The following INPP5D variants were observed in gnomAD, a reference collection of about 807,000 sequenced individuals.
INPP5D encodes phosphatidylinositol 3,4,5-trisphosphate 5-phosphatase 1.
INPP5D carries 33 observed loss-of-function variants against 122.9 expected under a neutral mutation model. The ratio of observed to expected loss-of-function variants is 0.27; its 90% confidence interval spans 0.20 to 0.36. INPP5D has a LOEUF of 0.36. Ranked by LOEUF, INPP5D falls within the 10% of genes least tolerant of loss-of-function variation. INPP5D has a pLI of 1.00. For synonymous variants in INPP5D, 584 were observed against 576.2 expected (o/e 1.01, Z -0.19); for missense variants, 1,053 against 1,412.7 (o/e 0.75, Z 4.08).
intron 5 of INPP5D, chr2:233,131,162 C>A: frequency 2.5e-5 from 24 of 973,262 alleles, no homozygotes; most frequent in Non-Finnish European, 2.9e-5. Flanking sequence ...GAATGACCAA[C>A]TGGTAAAGGT....
At chr2:233,202,205 G>T (rs189109556) in intron 25 of INPP5D, among the ~76,000 whole-genome samples, 1 of 152,248 alleles carries the variant, frequency 6.6e-6, no homozygotes. Flanking sequence ...CAGAGGTCAG[G>T]ACTTCTTGCT....
rs1009523835 is a variant in INPP5D at position 233,160,556 on chromosome 2, G to A, written c.1138-1168G>A. Among the ~76,000 whole-genome samples the A allele has an allele frequency of 6.6e-6, 1 of 152,204 alleles. No individual in the cohort carries two copies. The highest frequency in any genetic ancestry group is 1.5e-5 in the Non-Finnish European group (1 of 68,034). ...AAATAAAAACACTCGTATACCATGA[G>A]TTAATCTGGGACTATGCCCCTTCCA... On this transcript the variant is annotated intron_variant, in intron 10 of 26. Coordinates refer to ENST00000445964, the MANE Select transcript of INPP5D (RefSeq NM_001017915.3). This position sits in a 1 kb window ranked among gnomAD's most constrained non-coding sequence, Gnocchi z 4.2.
At chr2:233,174,021 T>G (rs1015587133) in intron 17 of INPP5D, among the ~76,000 whole-genome samples, 1 of 152,168 alleles carries the variant, frequency 6.6e-6, no homozygotes, top group African/African-American at 2.4e-5. Flanking sequence ...CACCTCCACA[T>G]CTCATCCCAT....
rs887882626 is a variant in INPP5D, at chr2:233,146,396, G to A, written c.864G>A (p.Glu288=). 3 of 704,184 alleles carry A rather than the reference G, an allele frequency of 4.3e-6. No homozygotes were observed. In the African/African-American group the frequency reaches 5.2e-5, roughly 12 times the overall value. The allele number at this position is 704,184 out of a possible 1,614,324, so 43.6% of individuals were successfully genotyped here. A position where few individuals can be genotyped will look rare whatever the true frequency, so the allele number is the denominator to read the frequency against. ...AGGCCTTGCTGCACGAGGGTCCTGA[G>A]TCTCCGCACCGGCCCTCCCTTATCC... is the stretch of plus-strand genomic sequence containing the variant. ...KVKALLHEGP[E]SPHRPSLIPP... Residue 288 remains glutamate (E), a synonymous_variant, in exon 8 of 27, where the codon GAG becomes GAA. Coordinates refer to ENST00000445964, the MANE Select transcript of INPP5D (RefSeq NM_001017915.3).
intron 2 of INPP5D, among the ~76,000 whole-genome samples, chr2:233,084,037 C>A (rs1176537250): frequency 1.3e-5 from 2 of 152,088 alleles, no homozygotes; most frequent in African/African-American, 4.8e-5. Context: ...TGGGAGCACC[C>A]CCAGGTGTTT....
chr2:233,139,286 C>T (rs929414538), intron 5 of INPP5D, among the ~76,000 whole-genome samples: 3 of 152,080 alleles, frequency 2.0e-5, no homozygotes, highest in African/African-American at 7.2e-5. Context: ...GCATAAAGCC[C>T]GAGGATTGGA....
chr2:233,157,502 C>T (rs1694085839), intron 9 of INPP5D, among the ~76,000 whole-genome samples: 1 of 151,982 alleles, frequency 6.6e-6, no homozygotes. Flanking sequence ...GAGAAACATT[C>T]AGGGCTGGTC....
intron 22 of INPP5D, 30 bp from the exon 23 acceptor site, chr2:233,193,782 T>C (rs1262978899): frequency 6.2e-7 from 1 of 1,613,644 alleles, no homozygotes; most frequent in East Asian, 2.2e-5. Context: ...GGCAGGGTCT[T>C]CACCCAGCTG....
chr2:233,129,689 C>A (rs1693262600), intron 4 of INPP5D, among the ~76,000 whole-genome samples: 1 of 152,204 alleles, frequency 6.6e-6, no homozygotes, highest in Non-Finnish European at 1.5e-5. Context: ...CCCCACAGAG[C>A]CTGAGATGAA....
intron 18 of INPP5D, among the ~76,000 whole-genome samples, chr2:233,180,097 G>A (rs1032554516): frequency 2.0e-5 from 3 of 152,100 alleles, no homozygotes; most frequent in Middle Eastern, 3.2e-3. Context: ...TGGTCTCAGG[G>A]TTCCCAGATT....
intron 9 of INPP5D, among the ~76,000 whole-genome samples, chr2:233,149,992 C>T (rs1044843659): frequency 6.6e-6 from 1 of 152,102 alleles, no homozygotes; most frequent in Admixed American, 6.5e-5. Flanking sequence ...CTGTCATAGT[C>T]CTGCAGAGGG....
At chr2:233,104,105 G>A (rs1325186416) in intron 2 of INPP5D, among the ~76,000 whole-genome samples, 1 of 147,002 alleles carries the variant, frequency 6.8e-6, no homozygotes, top group African/African-American at 2.5e-5. Flanking sequence ...CTGCCTCCCA[G>A]GTTCAAGTGA....
Position 233,170,141 on chromosome 2 carries a change from T to C in INPP5D, c.1768T>C (p.Tyr590His). 6.2e-7 allele frequency: 1 copy of C among 1,614,032 alleles called. No homozygotes were observed. Among genetic ancestry groups the C allele is most frequent in the Non-Finnish European group, 8.5e-7 (1 of 1,179,886 alleles). The change falls in exon 15 of 27, where the codon TAC (tyrosine) becomes CAC (histidine). Residue 590 changes from tyrosine to histidine, a missense_variant. By Grantham distance (83) the Tyr-to-His change is moderately conservative. This residue lies in a region of INPP5D where 258 missense variants were observed against 439.1 expected (regional missense o/e 0.59). Coordinates refer to ENST00000445964, the MANE Select transcript of INPP5D (RefSeq NM_001017915.3). The surrounding 1 kb of genome is among the most constrained non-coding windows in gnomAD (Gnocchi z 4.5). ...CCTCTTCTGGTTTGGGGATCTTAACTACCGTGTGGATCTGCCTACCTGGGT... is the reference window on the plus strand; with the variant it reads ...CCTCTTCTGGTTTGGGGATCTTAACCACCGTGTGGATCTGCCTACCTGGGT... ...THLFWFGDLN[Y>H]RVDLPTWEAE...
At position 233,060,412 on chromosome 2, in the gene INPP5D, G is replaced by A. The variant is rs1050602585; in HGVS notation, c.-67G>A. 2.5e-5 allele frequency: 38 copies of A among 1,492,668 alleles called. No homozygotes were observed. In the African/African-American group the frequency reaches 3.3e-4, roughly 13 times the overall value. The allele number at this position is 1,492,668 out of a possible 1,614,324, so 92.5% of individuals were successfully genotyped here. A position where few individuals can be genotyped will look rare whatever the true frequency, so the allele number is the denominator to read the frequency against. On this transcript the variant is annotated 5_prime_UTR_variant, in exon 1 of 27. Transcript: ENST00000445964. ...GGCAGGTTGCAGTGGAGGGGCCTCC[G>A]CTCCCCTCGGTGGTGTGTGGGTCCT...
chr2:233,196,860 G>A (rs1695198583), intron 24 of INPP5D, among the ~76,000 whole-genome samples: 1 of 151,824 alleles, frequency 6.6e-6, no homozygotes, highest in East Asian at 1.9e-4. Context: ...CACCCCCGCT[G>A]TACACAGGAA....
At chr2:233,186,602 G>A (rs1322166163) in intron 21 of INPP5D, among the ~76,000 whole-genome samples, 1 of 144,094 alleles carries the variant, frequency 6.9e-6, no homozygotes, top group African/African-American at 2.5e-5. Context: ...AGAAGTTCAA[G>A]ACCAGCCTGG....
intron 5 of INPP5D, among the ~76,000 whole-genome samples, chr2:233,138,409 AAAAGTTTATAC>A (rs1693555182): frequency 6.6e-6 from 1 of 152,152 alleles, no homozygotes; most frequent in Non-Finnish European, 1.5e-5. Flanking sequence ...GAAAAAACAA[AAAAGTTTATAC>A]AAAGAGAAAT....
chr2:233,154,171 A>G (rs1693991385), intron 9 of INPP5D, among the ~76,000 whole-genome samples: 2 of 152,050 alleles, frequency 1.3e-5, no homozygotes, highest in South Asian at 2.1e-4. Flanking sequence ...TTTTTGAGAC[A>G]GAGTTTCACT....
intron 19 of INPP5D, among the ~76,000 whole-genome samples, chr2:233,182,964 T>C (rs1465188905): frequency 6.6e-6 from 1 of 152,342 alleles, no homozygotes; most frequent in East Asian, 1.9e-4. Context: ...AGTGAGTCTA[T>C]TTAGAGAAAA....
Sources: allele counts gnomAD v4.1 joint callset (sites outside exome capture counted in the v4.1 genomes callset), GRCh38; gene constraint gnomAD v4.1.1; regional missense constraint gnomAD v4.1.1; non-coding constraint Gnocchi (gnomAD v3.1); transcripts MANE v1.5; gene names NCBI Gene and HGNC (gene_info 2026-07-23, HGNC 2026-07-21).